The following AKR1C8 variants were observed in gnomAD, a reference collection of about 807,000 sequenced individuals.
AKR1C8 encodes aldo-keto reductase family 1 member C8.
chr10:5,177,341 G>T, the AKR1C8 span, among the ~76,000 whole-genome samples: 2 of 152,098 alleles, frequency 1.3e-5, no homozygotes, highest in South Asian at 2.1e-4. Flanking sequence ...CTTGATCATG[G>T]TGGGATAAGC....
chr10:5,183,047 T>C, the AKR1C8 span, among the ~76,000 whole-genome samples: 8 of 151,970 alleles, frequency 5.3e-5, no homozygotes, highest in Non-Finnish European at 1.0e-4. Context: ...GAGAGAAAAA[T>C]AGTGTGTCAA....
the AKR1C8 span, among the ~76,000 whole-genome samples, chr10:5,133,559 T>C: frequency 2.0e-5 from 3 of 152,280 alleles, 1 homozygote; most frequent in South Asian, 6.2e-4. Flanking sequence ...GGAAATGTTG[T>C]CTACAAGGGA....
chr10:5,172,454 C>T, the AKR1C8 span, among the ~76,000 whole-genome samples: 10 of 152,066 alleles, frequency 6.6e-5, no homozygotes, highest in East Asian at 7.8e-4. Flanking sequence ...CTGCCTAAGG[C>T]CACAAGATTA....
chr10:5,160,495 T>C, the AKR1C8 span, among the ~76,000 whole-genome samples: 2 of 152,194 alleles, frequency 1.3e-5, no homozygotes, highest in African/African-American at 4.8e-5. Flanking sequence ...CATGATGTGT[T>C]TCTATCCAAA....
At chr10:5,123,878 A>C in the AKR1C8 span, 1 of 1,517,580 alleles carries the variant, frequency 6.6e-7, no homozygotes, top group Non-Finnish European at 8.9e-7. Flanking sequence ...TGTTAATATA[A>C]AAAGATTACA....
the AKR1C8 span, among the ~76,000 whole-genome samples, chr10:5,164,727 A>G: frequency 2.0e-5 from 3 of 152,044 alleles, no homozygotes; most frequent in Non-Finnish European, 4.4e-5. Context: ...GTTTTCTTTC[A>G]TGGAAGACCT....
the AKR1C8 span, among the ~76,000 whole-genome samples, chr10:5,160,367 T>A: frequency 6.6e-6 from 1 of 151,412 alleles, no homozygotes; most frequent in South Asian, 2.1e-4. Flanking sequence ...CTGCTACCTC[T>A]GTTCTAGAAT....
the AKR1C8 span, among the ~76,000 whole-genome samples, chr10:5,118,359 T>C: frequency 1.7e-5 from 1 of 59,132 alleles, no homozygotes; most frequent in Non-Finnish European, 4.4e-5. Context: ...TGTGTCTAGA[T>C]TCTTCTTGGC....
chr10:5,122,477 G>C, the AKR1C8 span, among the ~76,000 whole-genome samples: 4 of 152,180 alleles, frequency 2.6e-5, no homozygotes, highest in African/African-American at 9.7e-5. Context: ...AGAAAGTGTA[G>C]ACACAATACC....
At chr10:5,128,919 A>G in the AKR1C8 span, among the ~76,000 whole-genome samples, 1 of 152,076 alleles carries the variant, frequency 6.6e-6, no homozygotes, top group Non-Finnish European at 1.5e-5. Flanking sequence ...TTAACATACT[A>G]TAGAAAAAAA....
chr10:5,117,611 AAAG>A, the AKR1C8 span, among the ~76,000 whole-genome samples: 3 of 152,134 alleles, frequency 2.0e-5, no homozygotes, highest in South Asian at 2.1e-4. Flanking sequence ...GAGAATTTAT[AAAG>A]AAGAGGTTTG....
chr10:5,163,039 G>C, the AKR1C8 span: 4 of 523,234 alleles, frequency 7.6e-6, no homozygotes. Flanking sequence ...CAGGAGTAAA[G>C]AGTTGTTGAT....
chr10:5,172,398 A>G, the AKR1C8 span, among the ~76,000 whole-genome samples: 2,326 of 152,202 alleles, frequency 0.015, 76 homozygotes, highest in African/African-American at 0.053. Context: ...TATTAAAGGT[A>G]ACAGTTCTTT....
At chr10:5,140,494 G>A in the AKR1C8 span, among the ~76,000 whole-genome samples, 1 of 152,126 alleles carries the variant, frequency 6.6e-6, no homozygotes, top group African/African-American at 2.4e-5. Flanking sequence ...CATGTCCTTT[G>A]TAGGGACATG....
At chr10:5,123,776 G>T in the AKR1C8 span, 1 of 1,613,390 alleles carries the variant, frequency 6.2e-7, no homozygotes, top group Non-Finnish European at 8.5e-7. Context: ...TTGACTTGCA[G>T]AAATCCAGCA....
chr10:5,182,786 T>C, the AKR1C8 span, among the ~76,000 whole-genome samples: 1 of 151,912 alleles, frequency 6.6e-6, no homozygotes, highest in African/African-American at 2.4e-5. Context: ...AGCATGCACC[T>C]GTAGTCCCAG....
the AKR1C8 span, among the ~76,000 whole-genome samples, chr10:5,179,476 G>A: frequency 2.0e-5 from 3 of 152,072 alleles, no homozygotes; most frequent in African/African-American, 7.2e-5. Flanking sequence ...CTCTTCTCAA[G>A]GAGTACCTTT....
the AKR1C8 span, among the ~76,000 whole-genome samples, chr10:5,118,810 A>G: frequency 1.3e-5 from 2 of 152,176 alleles, no homozygotes; most frequent in Admixed American, 6.6e-5. Context: ...CTTGGCCCCT[A>G]TAGCTGCCAT....
At chr10:5,148,123 T>TAC in the AKR1C8 span, among the ~76,000 whole-genome samples, 1 of 152,158 alleles carries the variant, frequency 6.6e-6, no homozygotes, top group Non-Finnish European at 1.5e-5. Flanking sequence ...AGGTGGCTGC[T>TAC]ACGTGGGGGC....
Sources: gnomAD v4.1 joint callset for allele counts (sites outside exome capture counted in the v4.1 genomes callset) on GRCh38, gnomAD v4.1.1 for gene constraint, MANE v1.5 for transcripts, NCBI Gene and HGNC (gene_info 2026-07-23, HGNC 2026-07-21) for gene names.